Variants in PPP4R3A observed in about 807,000 individuals in gnomAD.
PPP4R3A encodes the protein serine/threonine-protein phosphatase 4 regulatory subunit 3A.
Under a neutral mutation model 91.7 loss-of-function variants are expected in PPP4R3A, and 15 were observed. The ratio of observed to expected loss-of-function variants is 0.16; its 90% CI spans 0.11 to 0.25. PPP4R3A has a LOEUF of 0.25. PPP4R3A is among the 10% of genes least tolerant of loss of function. PPP4R3A has a pLI of 1.00. For missense variants in PPP4R3A, 623 were observed against 998.4 expected (o/e 0.62, Z 5.07); for synonymous variants, 377 against 348.7 (o/e 1.08, Z -0.91).
chr14:91,491,729 G>GT (rs763866646), intron 1 of PPP4R3A, among the ~76,000 whole-genome samples: 23 of 151,598 alleles, frequency 1.5e-4, no homozygotes, highest in Non-Finnish European at 2.9e-4. Flanking sequence ...TTAAAACAAG[G>GT]TAAGTTTAAT....
chr14:91,471,951 GT>G (rs1888864743), intron 9 of PPP4R3A, among the ~76,000 whole-genome samples: 1 of 150,244 alleles, frequency 6.7e-6, no homozygotes. Context: ...TGTAATCCCA[GT>G]TACTCAGAAG....
chr14:91,468,321 G>C (rs936374411), intron 10 of PPP4R3A, among the ~76,000 whole-genome samples: 2 of 152,156 alleles, frequency 1.3e-5, no homozygotes, highest in Non-Finnish European at 2.9e-5. Context: ...ATGAAATGAT[G>C]AACTGAACTA....
At chr14:91,490,685 A>C in intron 2 of PPP4R3A, 62 bp downstream of exon 2, 1 of 1,340,866 alleles carries the variant, frequency 7.5e-7, no homozygotes, top group South Asian at 1.2e-5. Context: ...GCAATCAGAT[A>C]ATAAACTTTC....
rs10590794 is a variant in PPP4R3A, at chr14:91,487,713, GT to G, written c.199-1984del. ...TTTCTCACTAGGCAAGGACACTTCT[GT>G]TTTTTTTTGTTTGTTTGTTTTTTGA... is the stretch of plus-strand genomic sequence containing the variant. On this transcript the variant is annotated intron_variant, in intron 2 of 14. Transcript: ENST00000554943. Among the ~76,000 whole-genome samples, 53 of 151,248 alleles carry G rather than the reference GT, an allele frequency of 3.5e-4. No individual in the cohort carries two copies. The South Asian group carries it at 0.011, about 31-fold the overall frequency.
intron 14 of PPP4R3A, among the ~76,000 whole-genome samples, chr14:91,459,388 G>A (rs1395941229): frequency 6.6e-6 from 1 of 152,140 alleles, no homozygotes; most frequent in Non-Finnish European, 1.5e-5. Flanking sequence ...TTACAGGCAT[G>A]AGCCACTGCA....
chr14:91,461,787 C>G, intron 13 of PPP4R3A, 180 bp from the exon 14 acceptor site: 2 of 841,310 alleles, frequency 2.4e-6, no homozygotes, highest in Non-Finnish European at 3.6e-6. Context: ...GATCTTACCC[C>G]AGAGAAGAAT....
chr14:91,490,697 T>C, intron 2 of PPP4R3A, 50 bp downstream of exon 2: 1 of 1,466,366 alleles, frequency 6.8e-7, no homozygotes, highest in Non-Finnish European at 9.5e-7. Context: ...TAAACTTTCA[T>C]TTACTCAAAA....
At chr14:91,504,002 A>C (rs572436691) in intron 1 of PPP4R3A, among the ~76,000 whole-genome samples, 2 of 152,060 alleles carry the variant, frequency 1.3e-5, no homozygotes, top group Non-Finnish European at 2.9e-5. Context: ...CCAAGTGGGA[A>C]AGATCACTTC....
chr14:91,476,290 A>C (rs1324683926), intron 6 of PPP4R3A, 118 bp downstream of exon 6: 3 of 833,360 alleles, frequency 3.6e-6, no homozygotes, highest in Non-Finnish European at 5.8e-6. Flanking sequence ...CTTTAACTTA[A>C]TGAACTACGC....
intron 2 of PPP4R3A, among the ~76,000 whole-genome samples, chr14:91,487,647 A>G (rs1396212833): frequency 1.3e-5 from 2 of 152,222 alleles, no homozygotes; most frequent in Non-Finnish European, 2.9e-5. Flanking sequence ...AGCTTAAGGT[A>G]CCTTTAAGGA....
At chr14:91,481,492 T>C (rs1889556900) in intron 4 of PPP4R3A, 84 bp downstream of exon 4, 6 of 1,367,860 alleles carry the variant, frequency 4.4e-6, no homozygotes, top group Non-Finnish European at 5.8e-6. Flanking sequence ...TTAACAAAAT[T>C]AAAACTCAAT....
intron 14 of PPP4R3A, among the ~76,000 whole-genome samples, chr14:91,460,371 G>A (rs1888054450): frequency 6.6e-6 from 1 of 151,644 alleles, no homozygotes; most frequent in Non-Finnish European, 1.5e-5. Flanking sequence ...TCTCAAGCCT[G>A]CCTCTTCATT....
intron 14 of PPP4R3A, among the ~76,000 whole-genome samples, chr14:91,460,358 T>C (rs577772729): frequency 6.6e-6 from 1 of 152,008 alleles, no homozygotes; most frequent in Non-Finnish European, 1.5e-5. Context: ...CACACTGCTC[T>C]GCTCTCAAGC....
intron 2 of PPP4R3A, among the ~76,000 whole-genome samples, chr14:91,487,582 G>A (rs1331935587): frequency 1.3e-5 from 2 of 152,170 alleles, no homozygotes; most frequent in Non-Finnish European, 2.9e-5. Flanking sequence ...TGCAAAGGCC[G>A]ACTGGGTATC....
At chr14:91,477,110 C>CTTTT (rs66932962) in intron 4 of PPP4R3A, 124 bp from the exon 5 acceptor site, 7 of 429,642 alleles carry the variant, frequency 1.6e-5, no homozygotes, top group Admixed American at 4.6e-5. Context: ...GCAATGCTGT[C>CTTTT]TTTTTTTTTT....
At position 91,476,456 on chromosome 14, in the gene PPP4R3A, G is replaced by T; in HGVS notation, c.1062C>A (p.Phe354Leu). Residue 354 changes from phenylalanine to leucine, a missense_variant, in exon 6 of 15, where the codon TTC (phenylalanine) becomes TTA (leucine). This residue lies in a region of PPP4R3A where 264 missense variants were observed against 377.3 expected (regional missense o/e 0.70). Transcript: ENST00000554943. ...TLQPQNRDAF[F>L]KTLSNMGILP... ...ATATGCCCATGTTTGACAAAGTCTT[G>T]AAAAAAGCATCTCTGTTTTGAGGCT... The T allele has an allele frequency of 6.2e-7, 1 of 1,611,838 alleles. No homozygotes were observed. The highest frequency in any genetic ancestry group is 8.5e-7 in the Non-Finnish European group (1 of 1,179,390).
chr14:91,458,909 A>G (rs921861981), intron 14 of PPP4R3A, 40 bp from the exon 15 acceptor site: 2 of 1,532,712 alleles, frequency 1.3e-6, no homozygotes, highest in Admixed American at 4.3e-5. Context: ...CAGAAAATAA[A>G]ACATATAAAA....
chr14:91,481,103 C>T (rs1477813287), intron 4 of PPP4R3A, among the ~76,000 whole-genome samples: 1 of 150,874 alleles, frequency 6.6e-6, no homozygotes, highest in Non-Finnish European at 1.5e-5. Context: ...GAGGCCAGGG[C>T]AGGCAGATTG....
chr14:91,464,434 A>C (rs535181415), intron 11 of PPP4R3A, among the ~76,000 whole-genome samples: 3 of 152,014 alleles, frequency 2.0e-5, no homozygotes, highest in African/African-American at 7.2e-5. Context: ...TAAAATAGCA[A>C]GTTTAATGTT....
Sources: allele counts gnomAD v4.1 joint callset (sites outside exome capture counted in the v4.1 genomes callset), GRCh38; gene constraint gnomAD v4.1.1; regional missense constraint gnomAD v4.1.1; transcripts MANE v1.5; gene names NCBI Gene and HGNC (gene_info 2026-07-23, HGNC 2026-07-21).